The following SAMD5 variants were observed in gnomAD, a reference collection of about 807,000 sequenced individuals.
The protein encoded by SAMD5 is sterile alpha motif domain containing 5, also known as sterile alpha motif domain-containing protein 5.
In SAMD5, 13 loss-of-function variants were observed where a neutral mutation model predicts 11.3. That is an observed-to-expected ratio of 1.15 (90% CI 0.75 to 1.83). The LOEUF is 1.83. Among genes scored for constraint, SAMD5 ranks in the 40% most tolerant of loss-of-function variants. SAMD5 has a pLI of 0.00. For synonymous variants in SAMD5, 129 were observed against 111.3 expected, an observed-to-expected ratio of 1.16 and a Z score of -1.00; for missense variants, 255 against 239.1, an observed-to-expected ratio of 1.07 and a Z score of -0.44.
At chr6:147,600,673 C>T (rs1455036535) in intron 1 of SAMD5, among the ~76,000 whole-genome samples, 1 of 152,218 alleles carries the variant, frequency 6.6e-6, no homozygotes, top group African/African-American at 2.4e-5. Flanking sequence ...CATGGATTGT[C>T]ACCCTTGATG....
chr6:147,543,042 C>T (rs1408406501), intron 1 of SAMD5, among the ~76,000 whole-genome samples: 2 of 145,424 alleles, frequency 1.4e-5, no homozygotes, highest in Non-Finnish European at 2.9e-5. Flanking sequence ...TCACCAGCTC[C>T]CCTGGGCAGG....
intron 1 of SAMD5, among the ~76,000 whole-genome samples, chr6:147,527,031 G>C (rs1788353351): frequency 6.6e-6 from 1 of 152,094 alleles, no homozygotes; most frequent in South Asian, 2.1e-4. Flanking sequence ...TTTATCCATA[G>C]TCACCCCTTT....
the SAMD5 span, among the ~76,000 whole-genome samples, chr6:147,746,814 G>A: frequency 3.3e-5 from 5 of 152,304 alleles, no homozygotes; most frequent in African/African-American, 9.6e-5. Flanking sequence ...CATCTCGAAC[G>A]TAAAGCAGGG....
chr6:147,533,462 CAAAAAAAAA>C (rs57455955), intron 1 of SAMD5, among the ~76,000 whole-genome samples: 4 of 89,508 alleles, frequency 4.5e-5, no homozygotes, highest in Non-Finnish European at 7.4e-5. Flanking sequence ...AATTCCATCT[CAAAAAAAAA>C]AAAAAAAAAG....
At chr6:147,627,576 T>A (rs1178581607) in intron 1 of SAMD5, among the ~76,000 whole-genome samples, 3 of 152,234 alleles carry the variant, frequency 2.0e-5, no homozygotes, top group Non-Finnish European at 4.4e-5. Context: ...ATGGCATCAT[T>A]ACACACTGCC....
the SAMD5 span, among the ~76,000 whole-genome samples, chr6:147,830,027 G>A: frequency 1.3e-5 from 2 of 152,190 alleles, no homozygotes; most frequent in Non-Finnish European, 1.5e-5. Flanking sequence ...GTGTGAGAAT[G>A]CTCACTCCAG....
chr6:147,656,739 A>G (rs995314636), intron 1 of SAMD5, among the ~76,000 whole-genome samples: 5 of 152,210 alleles, frequency 3.3e-5, no homozygotes, highest in African/African-American at 1.2e-4. Context: ...GTAAGGAAAT[A>G]GGAGCTCTCC....
At chr6:147,669,706 C>T (rs1460667933) in intron 1 of SAMD5, among the ~76,000 whole-genome samples, 1 of 152,110 alleles carries the variant, frequency 6.6e-6, no homozygotes, top group Non-Finnish European at 1.5e-5. Flanking sequence ...GCTGGGATTA[C>T]AGGCGTGATC....
At chr6:147,830,873 T>C in the SAMD5 span, among the ~76,000 whole-genome samples, 3 of 152,234 alleles carry the variant, frequency 2.0e-5, no homozygotes, top group Non-Finnish European at 4.4e-5. Flanking sequence ...ACATGTTAAA[T>C]AGATTCTTGC....
the SAMD5 span, among the ~76,000 whole-genome samples, chr6:147,916,522 C>T: frequency 1.3e-5 from 2 of 152,042 alleles, no homozygotes; most frequent in African/African-American, 4.8e-5. Context: ...AGTATTTTTT[C>T]ATATGTCTGT....
intron 1 of SAMD5, among the ~76,000 whole-genome samples, chr6:147,692,925 TC>T (rs1269277834): frequency 1.3e-5 from 2 of 152,106 alleles, no homozygotes; most frequent in Non-Finnish European, 2.9e-5. Context: ...CTCCAAAAGT[TC>T]AGAAAATCAT....
chr6:147,824,702 G>T, the SAMD5 span, among the ~76,000 whole-genome samples: 1,145 of 152,268 alleles, frequency 7.5e-3, 13 homozygotes, highest in Middle Eastern at 0.041. Context: ...AAAATTTAAT[G>T]GAGAGAGTTC....
chr6:147,528,877 C>T (rs1490694951), intron 1 of SAMD5, among the ~76,000 whole-genome samples: 1 of 152,140 alleles, frequency 6.6e-6, no homozygotes, highest in African/African-American at 2.4e-5. Context: ...TAGAGAATAA[C>T]CCCCTAAACA....
chr6:147,701,317 G>A (rs565627445), intron 1 of SAMD5, among the ~76,000 whole-genome samples: 19 of 152,026 alleles, frequency 1.2e-4, no homozygotes, highest in South Asian at 4.2e-4. Context: ...TAGATAAAAC[G>A]CAATTCTAAG....
At chr6:147,524,413 GTTT>G (rs1271296916) in intron 1 of SAMD5, among the ~76,000 whole-genome samples, 1 of 147,860 alleles carries the variant, frequency 6.8e-6, no homozygotes, top group African/African-American at 2.5e-5. Flanking sequence ...TTTTGTTTTT[GTTT>G]TTGTTGTTTT....
the SAMD5 span, among the ~76,000 whole-genome samples, chr6:147,793,107 G>C: frequency 2.0e-5 from 3 of 152,144 alleles, no homozygotes; most frequent in African/African-American, 4.8e-5. Context: ...ACCTTGCAGA[G>C]AGAAACCTGA....
the SAMD5 span, among the ~76,000 whole-genome samples, chr6:147,833,028 G>T: frequency 6.6e-6 from 1 of 152,140 alleles, no homozygotes; most frequent in African/African-American, 2.4e-5. Context: ...TAATAAAATA[G>T]CAATTTAATA....
At chr6:147,613,741 C>A (rs1347655644) in intron 1 of SAMD5, among the ~76,000 whole-genome samples, 3 of 151,674 alleles carry the variant, frequency 2.0e-5, no homozygotes, top group African/African-American at 7.3e-5. Flanking sequence ...AGAGGAAGAG[C>A]AGAAGGGGGA....
Position 147,518,238 on chromosome 6 carries a change from C to T in SAMD5, c.459+8851C>T, listed in dbSNP as rs565600812. 5.8e-4 allele frequency among the ~76,000 whole-genome samples: 88 copies of T among 152,078 alleles called. 1 individual carries two copies. The highest frequency in any genetic ancestry group is 9.0e-4 in the Non-Finnish European group (61 of 68,012). ...CTCTTCATTTGCTGGTCCTTCTGTTCTTAGAAAGCCCTCTACGAAACTACC... is the reference window on the plus strand; with the variant it reads ...CTCTTCATTTGCTGGTCCTTCTGTTTTTAGAAAGCCCTCTACGAAACTACC... On this transcript the variant is annotated intron_variant, in intron 1 of 1. Coordinates refer to ENST00000367474, the MANE Select transcript of SAMD5 (RefSeq NM_001030060.3).
Sources: allele counts gnomAD v4.1 joint callset (sites outside exome capture counted in the v4.1 genomes callset), GRCh38; gene constraint gnomAD v4.1.1; transcripts MANE v1.5; gene names NCBI Gene and HGNC (gene_info 2026-07-23, HGNC 2026-07-21).